The following SLC25A40 variants were observed in gnomAD, a reference collection of about 807,000 sequenced individuals.
SLC25A40 encodes the protein mitochondrial glutathione transporter SLC25A40.
Under a neutral mutation model 46.5 loss-of-function variants are expected in SLC25A40, and 41 were observed. The observed-to-expected ratio is 0.88, with a 90% CI of 0.69 to 1.14. The LOEUF (loss-of-function observed/expected upper bound fraction) is 1.14. Among genes scored for constraint, SLC25A40 ranks in the 50% most tolerant of loss-of-function variants. The probability of loss-of-function intolerance (pLI) is 0.00; values close to 1 mark genes in which losing one functional copy is unlikely to be tolerated. For missense variants in SLC25A40, 386 were observed against 393.6 expected (o/e 0.98, Z 0.16); for synonymous variants, 126 against 127.5 (o/e 0.99, Z 0.08).
intron 2 of SLC25A40, among the ~76,000 whole-genome samples, chr7:87,859,600 A>T (rs1350132491): frequency 1.3e-5 from 2 of 152,202 alleles, no homozygotes; most frequent in Non-Finnish European, 2.9e-5. Flanking sequence ...GTGTCCGTGT[A>T]CATACAGCTT....
intron 4 of SLC25A40, among the ~76,000 whole-genome samples, chr7:87,854,589 G>C (rs1838574307): frequency 6.6e-6 from 1 of 151,970 alleles, no homozygotes; most frequent in Non-Finnish European, 1.5e-5. Flanking sequence ...GAGGCAGGCG[G>C]ATCATGAGGT....
chr7:87,863,276 G>A (rs1300559168), intron 1 of SLC25A40, among the ~76,000 whole-genome samples: 1 of 152,130 alleles, frequency 6.6e-6, no homozygotes, highest in Admixed American at 6.5e-5. Context: ...CATGTGTCAT[G>A]AGAGGGACCC....
rs376366900 is a variant in SLC25A40, at chr7:87,834,577, T to C, written c.*1672A>G. 23 of 151,632 alleles carry C rather than the reference T, an allele frequency of 1.5e-4. No homozygotes were observed. The highest frequency in any genetic ancestry group is 5.3e-4 in the African/African-American group (22 of 41,368). 9.4% of individuals were successfully genotyped at this position (151,632 alleles called of 1,614,324 possible). The stretch of plus-strand genomic sequence containing the variant: ...GAGGGGTAGGAGACATGGAAACCTT[T>C]CTCATACTTATAGGTGATATTAAAC... On this transcript the variant is annotated 3_prime_UTR_variant, in exon 12 of 12. Coordinates refer to ENST00000341119, the MANE Select transcript of SLC25A40 (RefSeq NM_018843.4).
Position 87,836,302 on chromosome 7 carries a change from C to A in SLC25A40, c.964G>T (p.Glu322Ter). ...TTCTGGAAAAAAGCCTTTCCAAATT[C>A]ATATGTACTGATCATAATGGCACAA... is the stretch of plus-strand genomic sequence containing the variant. Reference protein sequence around the residue: ...PACAIMISTYEFGKAFFQKQN... With the variant: ...PACAIMISTY The change falls in exon 12 of 12, where the codon GAA becomes TAA. Residue 322 changes from glutamate to a stop codon, truncating the protein, a stop_gained. Coordinates refer to ENST00000341119, the MANE Select transcript of SLC25A40 (RefSeq NM_018843.4). LOFTEE classifies it high-confidence loss of function. The A allele has an allele frequency of 6.3e-7, 1 of 1,584,006 alleles. No homozygotes were observed. Among genetic ancestry groups the A allele is most frequent in the Non-Finnish European group, 8.6e-7 (1 of 1,168,692 alleles).
At chr7:87,871,074 C>T (rs1275925355) in intron 1 of SLC25A40, among the ~76,000 whole-genome samples, 1 of 152,166 alleles carries the variant, frequency 6.6e-6, no homozygotes, top group African/African-American at 2.4e-5. Flanking sequence ...CTCTTGCTGG[C>T]GCCCAAAAGC....
intron 1 of SLC25A40, among the ~76,000 whole-genome samples, chr7:87,869,708 T>C (rs975271898): frequency 6.6e-6 from 1 of 152,204 alleles, no homozygotes; most frequent in African/African-American, 2.4e-5. Flanking sequence ...TACATAAATA[T>C]ACTACAATTT....
rs1421100491 is a variant in SLC25A40 at position 87,860,660 on chromosome 7, A to G, written c.-93-20T>C. ...AAAAACCTGTAATTAAGAAGAAAGT[A>G]ATTGTCTTATCTTTTCACACAGGAA... On this transcript the variant is annotated intron_variant, in intron 1 of 11. Coordinates refer to ENST00000341119, the MANE Select transcript of SLC25A40 (RefSeq NM_018843.4). 1.3e-5 allele frequency: 2 copies of G among 152,228 alleles called. No individual in the cohort carries two copies. The highest frequency in any genetic ancestry group is 2.9e-5 in the Non-Finnish European group (2 of 68,022). The allele number at this position is 152,228 out of a possible 1,614,324, so 9.4% of individuals were successfully genotyped here.
chr7:87,861,127 A>C (rs998776770), intron 1 of SLC25A40, among the ~76,000 whole-genome samples: 10 of 152,214 alleles, frequency 6.6e-5, no homozygotes, highest in Middle Eastern at 3.2e-3. Flanking sequence ...TAACAAGGTA[A>C]TGGATGCCAC....
intron 1 of SLC25A40, among the ~76,000 whole-genome samples, chr7:87,863,563 G>A (rs1456710662): frequency 1.3e-5 from 2 of 151,094 alleles, no homozygotes; most frequent in Admixed American, 6.6e-5. Context: ...GTGTGAGAAC[G>A]GACTAAGACA....
intron 3 of SLC25A40, among the ~76,000 whole-genome samples, chr7:87,857,731 C>T (rs565478546): frequency 6.6e-6 from 1 of 152,212 alleles, no homozygotes; most frequent in African/African-American, 2.4e-5. Flanking sequence ...GATAACTGTA[C>T]AAATTGATTG....
At chr7:87,865,339 C>G (rs1417136213) in intron 1 of SLC25A40, among the ~76,000 whole-genome samples, 1 of 152,184 alleles carries the variant, frequency 6.6e-6, no homozygotes, top group East Asian at 1.9e-4. Flanking sequence ...CACATTTTGA[C>G]TTTGTCTTAA....
intron 5 of SLC25A40, among the ~76,000 whole-genome samples, chr7:87,851,252 A>G (rs1337898943): frequency 6.6e-6 from 1 of 152,272 alleles, no homozygotes; most frequent in Non-Finnish European, 1.5e-5. Flanking sequence ...AATAAAAGAA[A>G]TAAAATACTG....
rs1205783131 is a variant in SLC25A40, at chr7:87,834,031, C to CAATT, written c.*2214_*2217dup. The stretch of plus-strand genomic sequence containing the variant: ...TTCCTTCCTAAAATTTTACATTAAT[C>CAATT]AATTAAATGTTTATGTTAGAAAATT... On this transcript the variant is annotated 3_prime_UTR_variant, in exon 12 of 12. Coordinates refer to ENST00000341119, the MANE Select transcript of SLC25A40 (RefSeq NM_018843.4). 2 of 151,774 alleles carry CAATT rather than the reference C, an allele frequency of 1.3e-5. No homozygotes were observed. Among genetic ancestry groups the CAATT allele is most frequent in the Non-Finnish European group, 2.9e-5 (2 of 67,874 alleles). 9.4% of individuals were successfully genotyped at this position (151,774 alleles called of 1,614,324 possible).
chr7:87,875,235 A>G (rs1391865566), intron 1 of SLC25A40, among the ~76,000 whole-genome samples: 1 of 152,184 alleles, frequency 6.6e-6, no homozygotes, highest in Non-Finnish European at 1.5e-5. Context: ...ATTTCTCTCG[A>G]GTCATAAACA....
intron 9 of SLC25A40, among the ~76,000 whole-genome samples, chr7:87,843,537 G>GA (rs1430986265): frequency 6.6e-6 from 1 of 151,848 alleles, no homozygotes. Flanking sequence ...AAGTTTCTCA[G>GA]AAAAATATGT....
At chr7:87,839,560 G>C (rs931130947) in intron 10 of SLC25A40, among the ~76,000 whole-genome samples, 2 of 151,300 alleles carry the variant, frequency 1.3e-5, no homozygotes, top group Non-Finnish European at 3.0e-5. Flanking sequence ...TAAAACCAGA[G>C]ATTAAATGTT....
rs535392502 is a variant in SLC25A40, at chr7:87,859,224, G to A, written c.-24-473C>T. Among the ~76,000 whole-genome samples, 9 of 152,252 alleles carry A rather than the reference G, an allele frequency of 5.9e-5. No homozygotes were observed. The East Asian group carries it at 1.7e-3, about 29-fold the overall frequency. On this transcript the variant is annotated intron_variant, in intron 2 of 11. Transcript: ENST00000341119. ...AACCCCAGCACTTTTGGAGGCCGAG[G>A]CGGGCGCATCATGAGGTCGGGAGAT...
At chr7:87,865,784 A>G (rs1471923204) in intron 1 of SLC25A40, among the ~76,000 whole-genome samples, 1 of 151,998 alleles carries the variant, frequency 6.6e-6, no homozygotes, top group Non-Finnish European at 1.5e-5. Context: ...GGGGAAAAAA[A>G]AAGAATATTC....
Position 87,838,010 on chromosome 7 carries a change from G to C in SLC25A40, c.824-1200C>G, listed in dbSNP as rs73393823. ...CTTTCTAGAATTTTGCCACTTAATG[G>C]AGTGTGATTATCTCCAAATTTCATT... On this transcript the variant is annotated intron_variant, in intron 10 of 11. Transcript: ENST00000341119. Among the ~76,000 whole-genome samples the C allele has an allele frequency of 2.4e-3, 359 of 151,516 alleles. 3 individuals are homozygous for C. Among genetic ancestry groups the C allele is most frequent in the African/African-American group, 8.4e-3 (350 of 41,470 alleles).
Sources: gnomAD v4.1 joint callset for allele counts (sites outside exome capture counted in the v4.1 genomes callset) on GRCh38, gnomAD v4.1.1 for gene constraint, MANE v1.5 for transcripts, NCBI Gene and HGNC (gene_info 2026-07-23, HGNC 2026-07-21) for gene names.